PLXDC2: variants seen among roughly 807,000 people sequenced by gnomAD.
PLXDC2 encodes plexin domain-containing protein 2.
A neutral mutation model predicts 68.9 loss-of-function variants in PLXDC2; 40 were observed. The observed-to-expected ratio is 0.58, with a 90% confidence interval of 0.45 to 0.76. The LOEUF (loss-of-function observed/expected upper bound fraction) is 0.76, where lower values mean the gene tolerates loss of function less well. PLXDC2 is among the 30% of genes least tolerant of loss of function. The pLI is 0.00. For synonymous variants in PLXDC2, 243 were observed against 234.2 expected, an observed-to-expected ratio of 1.04 and a Z score of -0.34; for missense variants, 644 against 661.9, an observed-to-expected ratio of 0.97 and a Z score of 0.30.
intron 1 of PLXDC2, among the ~76,000 whole-genome samples, chr10:19,819,073 A>G (rs1836413802): frequency 6.7e-6 from 1 of 148,198 alleles, no homozygotes; most frequent in Non-Finnish European, 1.5e-5. Flanking sequence ...CAATACACAC[A>G]CATTTGCTAT....
chr10:20,031,032 C>A (rs182951313), intron 2 of PLXDC2, among the ~76,000 whole-genome samples: 152 of 152,220 alleles, frequency 1.0e-3, no homozygotes, highest in Non-Finnish European at 1.6e-3. Context: ...AGCTGACATA[C>A]CAACTGATTG....
intron 1 of PLXDC2, among the ~76,000 whole-genome samples, chr10:19,912,663 T>C (rs1007584287): frequency 3.3e-5 from 5 of 152,140 alleles, no homozygotes; most frequent in Non-Finnish European, 5.9e-5. Flanking sequence ...TTAAAAACGG[T>C]AATAATTAAC....
rs1473983245 is a variant in PLXDC2 at position 20,284,624 on chromosome 10, T to G, written c.*4805T>G. The G allele has an allele frequency of 6.6e-6, 1 of 151,904 alleles. No homozygotes were observed. Among genetic ancestry groups the G allele is most frequent in the East Asian group, 1.9e-4 (1 of 5,176 alleles). The allele number at this position is 151,904 out of a possible 1,614,324, so 9.4% of individuals were successfully genotyped here. On this transcript the variant is annotated 3_prime_UTR_variant, in exon 14 of 14. Transcript: ENST00000377252. Reference sequence around the variant, plus strand: ...AAAAGAATCGTGAGACATCATGTAATCCAACCTCTTAATGTTACAGATAAG... The same window carrying G: ...AAAAGAATCGTGAGACATCATGTAAGCCAACCTCTTAATGTTACAGATAAG...
intron 9 of PLXDC2, among the ~76,000 whole-genome samples, chr10:20,211,140 C>G (rs991705137): frequency 2.0e-5 from 3 of 151,810 alleles, no homozygotes; most frequent in African/African-American, 7.3e-5. Context: ...AAGGGCCAGT[C>G]TTTTTTTTGG....
At chr10:19,905,894 A>G (rs1192027390) in intron 1 of PLXDC2, among the ~76,000 whole-genome samples, 1 of 152,054 alleles carries the variant, frequency 6.6e-6, no homozygotes, top group African/African-American at 2.4e-5. Context: ...TGGAATAACC[A>G]TTTATTGAGG....
At chr10:20,187,794 C>T (rs1164992383) in intron 9 of PLXDC2, among the ~76,000 whole-genome samples, 1 of 151,770 alleles carries the variant, frequency 6.6e-6, no homozygotes, top group Non-Finnish European at 1.5e-5. Flanking sequence ...CTCGATGACA[C>T]TTTCATAATT....
At chr10:19,952,671 G>A (rs1005752037) in intron 1 of PLXDC2, among the ~76,000 whole-genome samples, 2 of 152,138 alleles carry the variant, frequency 1.3e-5, no homozygotes, top group African/African-American at 2.4e-5. Flanking sequence ...TAAAATGATT[G>A]CTTGGGTAAA....
intron 1 of PLXDC2, among the ~76,000 whole-genome samples, chr10:19,822,922 CTT>C (rs527402042): frequency 1.4e-5 from 2 of 148,122 alleles, no homozygotes. Flanking sequence ...TGTTTACTTA[CTT>C]TTTTTTTTTG....
chr10:19,944,525 A>G (rs1833870147), intron 1 of PLXDC2, among the ~76,000 whole-genome samples: 1 of 152,264 alleles, frequency 6.6e-6, no homozygotes, highest in Admixed American at 6.5e-5. Flanking sequence ...TGAACAAAGA[A>G]CCACTGGTGA....
intron 1 of PLXDC2, among the ~76,000 whole-genome samples, chr10:19,977,938 G>A (rs1834486767): frequency 1.3e-5 from 2 of 152,160 alleles, no homozygotes; most frequent in South Asian, 2.1e-4. Flanking sequence ...AGCACCTGGT[G>A]TCTCTCTGTT....
Position 19,854,112 on chromosome 10 carries a change from A to G in PLXDC2, c.112+36921A>G, listed in dbSNP as rs769171694. Among the ~76,000 whole-genome samples the G allele has an allele frequency of 3.5e-4, 53 of 152,262 alleles. 1 individual carries two copies. The highest frequency in any genetic ancestry group is 6.6e-4 in the Non-Finnish European group (45 of 68,012). On this transcript the variant is annotated intron_variant, in intron 1 of 13. Transcript: ENST00000377252. ...AGGAGACAAGGCTATCACAGCCACA[A>G]CTGGGTGTCTTACATGTGCTATCAG...
chr10:20,242,250 C>T (rs1461269638), intron 12 of PLXDC2, among the ~76,000 whole-genome samples: 2 of 152,152 alleles, frequency 1.3e-5, no homozygotes, highest in African/African-American at 2.4e-5. Flanking sequence ...TTAAAAGCAA[C>T]ACATTTTAAG....
chr10:19,817,238 A>G lies in PLXDC2; in HGVS notation c.112+47A>G, dbSNP rs371977025. The G allele has an allele frequency of 1.1e-3, 1,573 of 1,454,748 alleles. 2 individuals carry two copies. The highest frequency in any genetic ancestry group is 1.1e-3 in the Non-Finnish European group (1,118 of 1,059,428). 90.1% of individuals were successfully genotyped at this position (1,454,748 alleles called of 1,614,324 possible). On this transcript the variant is annotated intron_variant, in intron 1 of 13. Coordinates refer to ENST00000377252, the MANE Select transcript of PLXDC2 (RefSeq NM_032812.9). ...TTGCTGATTTTGTGCGCAGCTGAAG[A>G]CCTCTCTGGCACTCTCGTGCTCCCT... is the stretch of plus-strand genomic sequence containing the variant.
At chr10:19,992,432 T>G (rs1218496862) in intron 1 of PLXDC2, among the ~76,000 whole-genome samples, 3 of 152,220 alleles carry the variant, frequency 2.0e-5, no homozygotes, top group Non-Finnish European at 4.4e-5. Context: ...TATCTGTGGA[T>G]TATGGCTCCT....
At chr10:20,258,339 G>T (rs16920178) in intron 13 of PLXDC2, among the ~76,000 whole-genome samples, 41,723 of 151,746 alleles carry the variant, frequency 0.27, 6,268 homozygotes, top group African/African-American at 0.4. Flanking sequence ...TCCTTTCGCC[G>T]AAGACTGACT....
intron 2 of PLXDC2, among the ~76,000 whole-genome samples, chr10:20,019,879 CTATTACACAA>C (rs2131655811): frequency 6.6e-6 from 1 of 152,202 alleles, no homozygotes; most frequent in South Asian, 2.1e-4. Context: ...GAAAAATGTT[CTATTACACAA>C]CATTTTTCCA....
intron 6 of PLXDC2, among the ~76,000 whole-genome samples, chr10:20,163,242 T>G (rs1834330108): frequency 6.6e-6 from 1 of 152,248 alleles, no homozygotes; most frequent in South Asian, 2.1e-4. Flanking sequence ...AATAATACAT[T>G]AAGGGAAAAT....
chr10:20,217,287 A>C, intron 10 of PLXDC2, 139 bp from the exon 11 acceptor site: 1 of 657,042 alleles, frequency 1.5e-6, no homozygotes. Flanking sequence ...AATCATTAAT[A>C]TAGTCTTGTA....
chr10:19,875,558 A>T (rs1837615987), intron 1 of PLXDC2, among the ~76,000 whole-genome samples: 1 of 152,174 alleles, frequency 6.6e-6, no homozygotes, highest in African/African-American at 2.4e-5. Flanking sequence ...AATAAAAGAT[A>T]AGTAAGATGG....
Sources: allele counts gnomAD v4.1 joint callset (sites outside exome capture counted in the v4.1 genomes callset), GRCh38; gene constraint gnomAD v4.1.1; transcripts MANE v1.5; gene names NCBI Gene and HGNC (gene_info 2026-07-23, HGNC 2026-07-21).